SCIN: variants seen among roughly 807,000 people sequenced by gnomAD.
The protein encoded by SCIN is scinderin.
SCIN carries 91 observed loss-of-function variants against 91.8 expected under a neutral mutation model. The ratio of observed to expected loss-of-function variants is 0.99; its 90% confidence interval spans 0.84 to 1.18. SCIN has a LOEUF of 1.18. SCIN is among the 50% of genes most tolerant of loss of function. The probability of loss-of-function intolerance (pLI) is 0.00; values close to 1 mark genes in which losing one functional copy is unlikely to be tolerated. For synonymous variants in SCIN, 367 were observed against 312.6 expected, an observed-to-expected ratio of 1.17 and a Z score of -1.84; for missense variants, 1,087 against 863.9, an observed-to-expected ratio of 1.26 and a Z score of -3.24.
intron 1 of SCIN, chr7:12,577,720 G>T (rs563130375): frequency 2.4e-4 from 100 of 410,160 alleles, no homozygotes; most frequent in South Asian, 1.9e-3. Flanking sequence ...GCAAAGCATG[G>T]TGGCACGCAC....
chr7:12,647,532 T>C (rs998659779), intron 13 of SCIN, among the ~76,000 whole-genome samples: 1 of 152,226 alleles, frequency 6.6e-6, no homozygotes, highest in East Asian at 1.9e-4. Context: ...TGGGCTGTAG[T>C]TGTCTCAACT....
At chr7:12,609,944 T>A (rs1783157681) in intron 4 of SCIN, among the ~76,000 whole-genome samples, 1 of 152,166 alleles carries the variant, frequency 6.6e-6, no homozygotes, top group African/African-American at 2.4e-5. Flanking sequence ...GCAGGGTTGG[T>A]TCCCAATGAA....
Position 12,578,106 on chromosome 7 carries a change from T to C in SCIN, c.242T>C (p.Phe81Ser), listed in dbSNP as rs1396382751. Residue 81 changes from phenylalanine (F) to serine (S), a missense_variant, in exon 2 of 16, where the codon TTC (phenylalanine) becomes TCC (serine). Physicochemically the swap from Phe to Ser is radical, Grantham distance 155 (BLOSUM62 -2). Transcript: ENST00000297029. ...SQDESTAAAI[F>S]TVQMDDYLGG... ...GATGAAAGCACAGCTGCTGCCATCT[T>C]CACTGTTCAGATGGATGACTATTTG... The C allele has an allele frequency of 1.3e-6, 2 of 1,549,252 alleles. No individual in the cohort carries two copies. The highest frequency in any genetic ancestry group is 2.4e-5 in the South Asian group (2 of 83,700).
intron 9 of SCIN, among the ~76,000 whole-genome samples, chr7:12,632,738 G>A (rs1038440798): frequency 1.3e-5 from 2 of 152,122 alleles, no homozygotes; most frequent in Non-Finnish European, 2.9e-5. Flanking sequence ...TAAGAAGACA[G>A]GTTTGGCCCA....
In SCIN at chr7:12,609,484, G is replaced by A. The variant is rs558885863; in HGVS notation, c.666+4821G>A. 1.7e-4 allele frequency among the ~76,000 whole-genome samples: 25 copies of A among 151,468 alleles called. No homozygotes were observed. In the South Asian group the frequency reaches 4.0e-3, roughly 24 times the overall value. ...CCCAAACTTTATTCCTTGATTAATCGTTTTGTAAACATTAGGAGGAAAGCA... is the reference window on the plus strand; with the variant it reads ...CCCAAACTTTATTCCTTGATTAATCATTTTGTAAACATTAGGAGGAAAGCA... On this transcript the variant is annotated intron_variant, in intron 4 of 15. Coordinates refer to ENST00000297029, the MANE Select transcript of SCIN (RefSeq NM_001112706.3).
chr7:12,640,589 T>G (rs767638865), intron 11 of SCIN, 72 bp downstream of exon 11: 4 of 1,328,604 alleles, frequency 3.0e-6, no homozygotes, highest in Non-Finnish European at 3.9e-6. Context: ...TCAGCAAATA[T>G]TAGACTTTAA....
At chr7:12,602,544 C>T (rs897401260) in intron 3 of SCIN, among the ~76,000 whole-genome samples, 7 of 152,112 alleles carry the variant, frequency 4.6e-5, no homozygotes, top group African/African-American at 1.7e-4. Flanking sequence ...GTCCTTATTT[C>T]AACCGCATAA....
chr7:12,590,917 G>A (rs944071739), intron 3 of SCIN, among the ~76,000 whole-genome samples: 7 of 152,110 alleles, frequency 4.6e-5, no homozygotes, highest in Non-Finnish European at 8.8e-5. Flanking sequence ...ATGTTGACTC[G>A]TTTGCCTTTG....
intron 3 of SCIN, 29 bp from the exon 4 acceptor site, chr7:12,604,485 G>C (rs1306716089): frequency 6.5e-7 from 1 of 1,547,228 alleles, no homozygotes; most frequent in Admixed American, 2.0e-5. Flanking sequence ...CATATTCTTA[G>C]GGTCAACAGA....
At chr7:12,635,611 CAAAAAAAAAAAAAA>C (rs59324421) in intron 9 of SCIN, among the ~76,000 whole-genome samples, 349 of 5,866 alleles carry the variant, frequency 0.059, 8 homozygotes, top group African/African-American at 0.11. Flanking sequence ...GACTCCGTCT[CAAAAAAAAAAAAAA>C]AAAAAAAAAA....
chr7:12,621,358 A>G (rs991799446), intron 4 of SCIN, among the ~76,000 whole-genome samples: 3 of 152,158 alleles, frequency 2.0e-5, no homozygotes, highest in Non-Finnish European at 2.9e-5. Flanking sequence ...ACTATGCTGC[A>G]GTCCTTTGAG....
chr7:12,635,146 G>A (rs1562628502), intron 9 of SCIN, among the ~76,000 whole-genome samples: 2 of 151,850 alleles, frequency 1.3e-5, no homozygotes, highest in East Asian at 3.9e-4. Flanking sequence ...CTCCAGCCTG[G>A]GTGATGAGTG....
chr7:12,636,404 A>G (rs1323973041), intron 10 of SCIN, among the ~76,000 whole-genome samples: 1 of 152,212 alleles, frequency 6.6e-6, no homozygotes, highest in African/African-American at 2.4e-5. Context: ...CCCTATGTCA[A>G]TGATAGCCTC....
chr7:12,634,511 G>A (rs1273873749), intron 9 of SCIN, among the ~76,000 whole-genome samples: 1 of 151,766 alleles, frequency 6.6e-6, no homozygotes, highest in Non-Finnish European at 1.5e-5. Context: ...AGTAATTGCG[G>A]CTTTTGCCAT....
At chr7:12,631,415 C>T (rs1195415995) in intron 9 of SCIN, among the ~76,000 whole-genome samples, 1 of 152,148 alleles carries the variant, frequency 6.6e-6, no homozygotes, top group Non-Finnish European at 1.5e-5. Flanking sequence ...CTCCACCATA[C>T]CCCTAGGCTA....
At chr7:12,606,007 A>T (rs1029006049) in intron 4 of SCIN, among the ~76,000 whole-genome samples, 3 of 152,204 alleles carry the variant, frequency 2.0e-5, no homozygotes, top group African/African-American at 7.2e-5. Context: ...TATATATTGT[A>T]TATATTCCCT....
chr7:12,620,000 A>C (rs1562619077), intron 4 of SCIN, among the ~76,000 whole-genome samples: 1 of 152,020 alleles, frequency 6.6e-6, no homozygotes, highest in Non-Finnish European at 1.5e-5. Flanking sequence ...TTAAAAATAA[A>C]TTTTAAATGT....
chr7:12,590,878 T>C (rs946282225), intron 3 of SCIN, among the ~76,000 whole-genome samples: 3 of 152,076 alleles, frequency 2.0e-5, no homozygotes, highest in Non-Finnish European at 2.9e-5. Flanking sequence ...GAACGAGGAA[T>C]GTGATAGGCA....
At position 12,636,101 on chromosome 7, in the gene SCIN, A is replaced by G. The variant is rs747106254; in HGVS notation, c.1376A>G (p.Gln459Arg). 1.2e-6 allele frequency: 2 copies of G among 1,613,034 alleles called. No individual in the cohort carries two copies. The stretch of plus-strand genomic sequence containing the variant: ...ACAACATCTGCGTTCCTGACTGTTC[A>G]GTTGGATCGGTCCCTTGGAGGACAG... The part of the protein sequence containing the change: ...ELTTSAFLTV[Q>R]LDRSLGGQAV... The change falls in exon 10 of 16, where the codon CAG (glutamine) becomes CGG (arginine). Residue 459 changes from glutamine (Q) to arginine (R), a missense_variant. By Grantham distance (43) the Gln-to-Arg change is conservative. Transcript: ENST00000297029.
Sources: gnomAD v4.1 joint callset for allele counts (sites outside exome capture counted in the v4.1 genomes callset) on GRCh38, gnomAD v4.1.1 for gene constraint, MANE v1.5 for transcripts, NCBI Gene and HGNC (gene_info 2026-07-23, HGNC 2026-07-21) for gene names.